WDFY3: variants seen among roughly 807,000 people sequenced by gnomAD.
The protein encoded by WDFY3 is WD repeat and FYVE domain-containing protein 3.
In WDFY3, 66 loss-of-function variants were observed where a neutral mutation model predicts 409.6. The ratio of observed to expected loss-of-function variants is 0.16; its 90% CI spans 0.13 to 0.20. WDFY3 has a LOEUF of 0.20. Ranked by LOEUF, WDFY3 falls within the 10% of genes least tolerant of loss-of-function variation. WDFY3 has a pLI of 1.00. For synonymous variants in WDFY3, 1,521 were observed against 1,537.1 expected (o/e 0.99, Z 0.25); for missense variants, 3,031 against 4,298.1 (o/e 0.71, Z 8.24).
intron 4 of WDFY3, among the ~76,000 whole-genome samples, 167 bp from the exon 5 acceptor site, chr4:84,850,192 T>C (rs1758688229): frequency 6.6e-6 from 1 of 152,134 alleles, no homozygotes; most frequent in Non-Finnish European, 1.5e-5. Context: ...ATAAATCACA[T>C]GTCTAGCCAC....
At chr4:84,878,304 T>G (rs373448910) in intron 3 of WDFY3, among the ~76,000 whole-genome samples, 61 of 152,242 alleles carry the variant, frequency 4.0e-4, no homozygotes, top group African/African-American at 1.5e-3. Flanking sequence ...AGCTCACTAG[T>G]GTCATAAGAA....
intron 18 of WDFY3, among the ~76,000 whole-genome samples, chr4:84,797,550 C>T (rs17368752): frequency 1.4e-4 from 19 of 137,744 alleles, no homozygotes; most frequent in Non-Finnish European, 2.5e-4. Flanking sequence ...GAAATCACAA[C>T]TCAATTCTTA....
At chr4:84,802,298 G>A (rs546376271) in intron 16 of WDFY3, among the ~76,000 whole-genome samples, 1 of 150,188 alleles carries the variant, frequency 6.7e-6, no homozygotes, top group African/African-American at 2.4e-5. Flanking sequence ...TGTCACCCAG[G>A]TTGGAGTGCA....
chr4:84,764,612 A>G (rs1475896375), intron 32 of WDFY3, among the ~76,000 whole-genome samples: 1 of 152,204 alleles, frequency 6.6e-6, no homozygotes, highest in Non-Finnish European at 1.5e-5. Flanking sequence ...CTGTAATCCC[A>G]GCACTTTAGG....
In WDFY3 at chr4:84,766,011, C is replaced by T. The variant is rs769180748; in HGVS notation, c.4987G>A (p.Val1663Met). 6 of 1,613,776 alleles carry T rather than the reference C, an allele frequency of 3.7e-6. No homozygotes were observed. Among genetic ancestry groups the T allele is most frequent in the African/African-American group, 2.7e-5 (2 of 74,906 alleles). Residue 1663 changes from valine (V) to methionine (M), a missense_variant, in exon 32 of 68, where the codon GTG becomes ATG. Physicochemically the swap from Val to Met is conservative, Grantham distance 21 (BLOSUM62 1). Around this residue, in one of 16 missense-constraint regions of WDFY3, gnomAD observed 342 missense variants for 463.7 expected, o/e 0.74. Transcript: ENST00000295888. ...SINLQACEEL[V>M]KTLGFDWIMM... ...ATCCAGTCAAAACCCAGTGTCTTCACCAGTTCTTCACAAGCTCTATTCAAG... is the reference window on the plus strand; with the variant it reads ...ATCCAGTCAAAACCCAGTGTCTTCATCAGTTCTTCACAAGCTCTATTCAAG...
chr4:84,780,857 G>A (rs1341435538), intron 25 of WDFY3, among the ~76,000 whole-genome samples: 1 of 152,154 alleles, frequency 6.6e-6, no homozygotes, highest in African/African-American at 2.4e-5. Context: ...ACTGGGTGTA[G>A]AGGAGTGAGC....
intron 2 of WDFY3, among the ~76,000 whole-genome samples, chr4:84,910,886 T>TA (rs1466726624): frequency 2.2e-3 from 313 of 144,162 alleles, no homozygotes; most frequent in Non-Finnish European, 3.7e-3. Context: ...TTTTCTGTAT[T>TA]TTTTTTTTTT....
At chr4:84,792,592 A>C (rs1331259670) in intron 21 of WDFY3, among the ~76,000 whole-genome samples, 1 of 152,166 alleles carries the variant, frequency 6.6e-6, no homozygotes, top group Non-Finnish European at 1.5e-5. Flanking sequence ...AATGGGTTAC[A>C]GCTGTTCGGA....
intron 40 of WDFY3, among the ~76,000 whole-genome samples, chr4:84,738,369 G>A (rs922038276): frequency 1.3e-5 from 2 of 152,044 alleles, no homozygotes. Context: ...GGCCAAGGCC[G>A]GTGGATCACT....
chr4:84,848,018 GAAGA>G (rs1470170769), intron 5 of WDFY3, among the ~76,000 whole-genome samples: 1 of 151,560 alleles, frequency 6.6e-6, no homozygotes. Flanking sequence ...TAGAAAATGA[GAAGA>G]AAGATAAGAA....
chr4:84,708,838 A>G (rs1328477864), intron 53 of WDFY3, 71 bp downstream of exon 53: 13 of 1,549,004 alleles, frequency 8.4e-6, no homozygotes, highest in Non-Finnish European at 1.1e-5. Context: ...ACTGCACCCC[A>G]CTTCAATTGT....
chr4:84,674,617 C>T (rs1292540289), intron 67 of WDFY3, among the ~76,000 whole-genome samples: 1 of 151,118 alleles, frequency 6.6e-6, no homozygotes, highest in Non-Finnish European at 1.5e-5. Flanking sequence ...TGACTGTAAT[C>T]CCAGCACTTT....
At chr4:84,757,770 T>C (rs924777321) in intron 32 of WDFY3, among the ~76,000 whole-genome samples, 1 of 152,246 alleles carries the variant, frequency 6.6e-6, no homozygotes, top group Admixed American at 6.5e-5. Flanking sequence ...TATAATGTAG[T>C]TAATATATTT....
At chr4:84,935,100 C>T (rs1363673337) in intron 1 of WDFY3, among the ~76,000 whole-genome samples, 1 of 152,150 alleles carries the variant, frequency 6.6e-6, no homozygotes, top group Non-Finnish European at 1.5e-5. Flanking sequence ...AAATATATCA[C>T]AATTTAATTA....
chr4:84,678,530 C>T (rs115568656), intron 65 of WDFY3, among the ~76,000 whole-genome samples: 3,090 of 152,320 alleles, frequency 0.02, 43 homozygotes, highest in Non-Finnish European at 0.031. Flanking sequence ...TCAATGCAAG[C>T]AGATGCATCC....
chr4:84,789,819 C>T lies in WDFY3; in HGVS notation c.3576G>A (p.Gln1192=), dbSNP rs1748193111. 6.2e-7 allele frequency: 1 copy of T among 1,614,128 alleles called. No homozygotes were observed. Among genetic ancestry groups the T allele is most frequent in the African/African-American group, 1.3e-5 (1 of 75,006 alleles). ...TCATTACCAGGACCAAATGATGCCA[C>T]TGTCCCTCAATGATAAGCTCTCCAC... ...FRCGELIIEG[Q]WHHLVLVMSK... Residue 1192 remains glutamine (Q), a synonymous_variant, in exon 22 of 68, where the codon CAG becomes CAA. Coordinates refer to ENST00000295888, the MANE Select transcript of WDFY3 (RefSeq NM_014991.6).
intron 3 of WDFY3, among the ~76,000 whole-genome samples, chr4:84,894,660 C>T (rs1765382178): frequency 1.3e-5 from 2 of 152,186 alleles, no homozygotes; most frequent in East Asian, 1.9e-4. Context: ...GGGGCACACG[C>T]CTGTATTCCC....
chr4:84,809,762 TCAAA>T (rs999319630), intron 14 of WDFY3, 121 bp downstream of exon 14: 2 of 900,850 alleles, frequency 2.2e-6, no homozygotes, highest in African/African-American at 1.7e-5. Context: ...GTGATACACT[TCAAA>T]CAAATAGGAG....
At chr4:84,778,467 T>G (rs373127581) in intron 27 of WDFY3, 36 bp downstream of exon 27, 1 of 1,489,480 alleles carries the variant, frequency 6.7e-7, no homozygotes, top group Non-Finnish European at 9.0e-7. Flanking sequence ...AATGCATTCA[T>G]TGATTATATA....
Sources: gnomAD v4.1 joint callset for allele counts (sites outside exome capture counted in the v4.1 genomes callset) on GRCh38, gnomAD v4.1.1 for gene constraint, gnomAD v4.1.1 regional missense constraint, MANE v1.5 for transcripts, NCBI Gene and HGNC (gene_info 2026-07-23, HGNC 2026-07-21) for gene names.